The following LMO1 variants were observed in gnomAD, a reference collection of about 807,000 sequenced individuals.
LMO1 encodes rhombotin-1.
A neutral mutation model predicts 18.0 loss-of-function variants in LMO1; 10 were observed. That is an observed-to-expected ratio of 0.55 (90% CI 0.34 to 0.94). LMO1 has a LOEUF of 0.94. Among genes scored for constraint, LMO1 ranks in the 40% least tolerant of loss-of-function variants. The probability of loss-of-function intolerance (pLI) is 0.02; values close to 1 mark genes in which losing one functional copy is unlikely to be tolerated. For synonymous variants in LMO1, 77 were observed against 77.9 expected (o/e 0.99, Z 0.06); for missense variants, 183 against 205.7 (o/e 0.89, Z 0.68).
chr11:8,251,994 G>A (rs900997786), intron 1 of LMO1, among the ~76,000 whole-genome samples: 6 of 54,500 alleles, frequency 1.1e-4, no homozygotes, highest in Admixed American at 8.8e-4. Context: ...GGGGGTGTGC[G>A]TGTGTGTGTG....
intron 3 of LMO1, 74 bp from the exon 4 acceptor site, chr11:8,224,795 C>T (rs928932745): frequency 1.9e-5 from 19 of 976,756 alleles, no homozygotes; most frequent in Middle Eastern, 2.1e-4. Context: ...AGACAGAAGC[C>T]GGCCTGGCCT....
Position 8,224,541 on chromosome 11 carries a change from G to A in LMO1, c.*75C>T. 1 of 868,038 alleles carries A rather than the reference G, an allele frequency of 1.2e-6. No individual in the cohort carries two copies. The highest frequency in any genetic ancestry group is 2.6e-5 in the East Asian group (1 of 37,866). 53.8% of individuals were successfully genotyped at this position (868,038 alleles called of 1,614,324 possible). ...CGGCTGGCCAGCCTGCACTGGTAGA[G>A]TGGCTGGCTGGCCGGCCAGGCAGGT... is the stretch of plus-strand genomic sequence containing the variant. On this transcript the variant is annotated 3_prime_UTR_variant, in exon 4 of 4. Transcript: ENST00000335790.
chr11:8,232,629 C>T (rs1450328160), intron 1 of LMO1, among the ~76,000 whole-genome samples: 1 of 152,198 alleles, frequency 6.6e-6, no homozygotes, highest in Non-Finnish European at 1.5e-5. Context: ...GCCCCCGCTA[C>T]AGCCCCTACA....
At chr11:8,248,396 G>T (rs1168961269) in intron 1 of LMO1, among the ~76,000 whole-genome samples, 1 of 152,154 alleles carries the variant, frequency 6.6e-6, no homozygotes, top group Non-Finnish European at 1.5e-5. Flanking sequence ...GTGGGCTGGT[G>T]GGTCTCCAGG....
In LMO1 at chr11:8,230,280, T is replaced by C. The variant is rs147117176; in HGVS notation, c.239+11A>G. The C allele has an allele frequency of 8.1e-6, 13 of 1,612,682 alleles. No individual in the cohort carries two copies. The African/African-American group carries it at 1.5e-4, about 18-fold the overall frequency. On this transcript the variant is annotated intron_variant, in intron 2 of 3. Coordinates refer to ENST00000335790, the MANE Select transcript of LMO1 (RefSeq NM_002315.3). ...GACAAGGGCTTGGGAGGCCAGGGTTTGGCAGCCCACCTCAGGTAGTCGCGT... is the reference window on the plus strand; with the variant it reads ...GACAAGGGCTTGGGAGGCCAGGGTTCGGCAGCCCACCTCAGGTAGTCGCGT...
At chr11:8,228,820 C>T (rs549988811) in intron 2 of LMO1, among the ~76,000 whole-genome samples, 1 of 152,220 alleles carries the variant, frequency 6.6e-6, no homozygotes, top group South Asian at 2.1e-4. Context: ...AGAGTCAGCC[C>T]CCAGGTGATG....
intron 1 of LMO1, among the ~76,000 whole-genome samples, chr11:8,255,870 G>A (rs571138295): frequency 8.4e-6 from 1 of 119,466 alleles, no homozygotes; most frequent in Non-Finnish European, 1.6e-5. Context: ...CTGTCGCCCA[G>A]GCTGGAGTGC....
chr11:8,233,246 ATCTAGAGACCCTTGGG>A (rs1233849027), intron 1 of LMO1, among the ~76,000 whole-genome samples: 38 of 152,240 alleles, frequency 2.5e-4, no homozygotes, highest in African/African-American at 9.1e-4. Context: ...GCCCCAGAGC[ATCTAGAGACCCTTGGG>A]TCTAGAGACC....
chr11:8,263,295 G>A, intron 1 of LMO1, 43 bp downstream of exon 1: 1 of 1,580,678 alleles, frequency 6.3e-7, no homozygotes, highest in Non-Finnish European at 8.6e-7. Flanking sequence ...CGCGGCAGGG[G>A]GCGAGGGGGT....
At chr11:8,254,245 C>T (rs991432290) in intron 1 of LMO1, among the ~76,000 whole-genome samples, 4 of 152,124 alleles carry the variant, frequency 2.6e-5, no homozygotes, top group East Asian at 3.8e-4. Flanking sequence ...TGCTCCACGC[C>T]GGAATTACCA....
intron 1 of LMO1, among the ~76,000 whole-genome samples, chr11:8,241,813 TG>T (rs1398933810): frequency 5.3e-5 from 8 of 151,114 alleles, no homozygotes; most frequent in Admixed American, 1.3e-4. Context: ...AAAAAAAGTC[TG>T]ATTGATTGGG....
intron 1 of LMO1, among the ~76,000 whole-genome samples, chr11:8,237,772 G>A (rs975782561): frequency 1.3e-5 from 2 of 152,230 alleles, no homozygotes; most frequent in Admixed American, 6.5e-5. Flanking sequence ...CTTTGACTCT[G>A]GTGCTGCTCA....
chr11:8,260,729 G>T (rs1369564160), intron 1 of LMO1, among the ~76,000 whole-genome samples: 4 of 152,108 alleles, frequency 2.6e-5, no homozygotes, highest in Non-Finnish European at 5.9e-5. Context: ...CTCGGCAGCT[G>T]GCAGACCCGA....
chr11:8,244,859 C>A (rs539130800), intron 1 of LMO1, among the ~76,000 whole-genome samples: 1 of 152,190 alleles, frequency 6.6e-6, no homozygotes, highest in Non-Finnish European at 1.5e-5. Flanking sequence ...GACTCTCCAC[C>A]TTCTGCTCAC....
intron 1 of LMO1, among the ~76,000 whole-genome samples, chr11:8,251,648 C>T (rs1159577707): frequency 3.9e-5 from 6 of 151,944 alleles, no homozygotes; most frequent in Admixed American, 1.3e-4. Flanking sequence ...CAGCCCCCGG[C>T]GCTGGTCCAG....
At position 8,224,688 on chromosome 11, in the gene LMO1, G is replaced by A; in HGVS notation, c.399C>T (p.Asn133=). The A allele has an allele frequency of 6.2e-7, 1 of 1,608,812 alleles. No individual in the cohort carries two copies. Residue 133 remains asparagine (N), a synonymous_variant, in exon 4 of 4, where the codon AAC becomes AAT. Transcript: ENST00000335790. ...AGTCCATCTGACACAAGATCATGTT[G>A]TTCTTCAGGAAGAATTTGTCTCCCA... The part of the protein sequence containing the change: ...FCVGDKFFLK[N]NMILCQMDYE...
chr11:8,254,547 C>T (rs184922699), intron 1 of LMO1, among the ~76,000 whole-genome samples: 5 of 152,314 alleles, frequency 3.3e-5, no homozygotes, highest in African/African-American at 1.2e-4. Context: ...CCTTTCAAGC[C>T]GTCTAGTGGC....
rs565046943 is a variant in LMO1, at chr11:8,227,019, G to A, written c.321C>T (p.Asn107=). 1.9e-5 allele frequency: 30 copies of A among 1,613,806 alleles called. No homozygotes were observed. In the Middle Eastern group the frequency reaches 2.5e-3, roughly 133 times the overall value. ...AFEMVMRARD[N]VYHLDCFACQ... Reference sequence around the variant, plus strand: ...AGGCGAAGCAGTCGAGGTGATACACGTTGTCCCGGGCCCGCATCACCATCT... The same window carrying A: ...AGGCGAAGCAGTCGAGGTGATACACATTGTCCCGGGCCCGCATCACCATCT... The change falls in exon 3 of 4, where the codon AAC becomes AAT. Residue 107 remains asparagine, a synonymous_variant. Transcript: ENST00000335790.
chr11:8,263,633 G>A lies in LMO1; in HGVS notation c.-271C>T, dbSNP rs746397676. On this transcript the variant is annotated 5_prime_UTR_variant, in exon 1 of 4. Transcript: ENST00000335790. ...GAGAGAGAGGGAGAGGGAGAGAGAAGGGGGAAAAGAGGATCAGAGCCGTTT... is the reference window on the plus strand; with the variant it reads ...GAGAGAGAGGGAGAGGGAGAGAGAAAGGGGAAAAGAGGATCAGAGCCGTTT... The A allele has an allele frequency of 7.4e-7, 1 of 1,344,412 alleles. No homozygotes were observed. The highest frequency in any genetic ancestry group is 1.5e-5 in the African/African-American group (1 of 65,382). The allele number at this position is 1,344,412 out of a possible 1,614,324, so 83.3% of individuals were successfully genotyped here. A position where few individuals can be genotyped will look rare whatever the true frequency, so the allele number is the denominator to read the frequency against.
Sources: allele counts gnomAD v4.1 joint callset (sites outside exome capture counted in the v4.1 genomes callset), GRCh38; gene constraint gnomAD v4.1.1; transcripts MANE v1.5; gene names NCBI Gene and HGNC (gene_info 2026-07-23, HGNC 2026-07-21).